Variants in DCDC1 observed in about 807,000 individuals in gnomAD.
DCDC1 encodes the protein doublecortin domain containing 1.
Under a neutral mutation model 178.3 loss-of-function variants are expected in DCDC1, and 200 were observed. The ratio of observed to expected loss-of-function variants is 1.12; its 90% CI spans 1.00 to 1.26. The LOEUF (loss-of-function observed/expected upper bound fraction) is 1.26. Among genes scored for constraint, DCDC1 ranks in the 50% most tolerant of loss-of-function variants. The probability of loss-of-function intolerance (pLI) is 0.00; values close to 1 mark genes in which losing one functional copy is unlikely to be tolerated. For synonymous variants in DCDC1, 690 were observed against 604.8 expected (o/e 1.14, Z -2.07); for missense variants, 1,983 against 1,749.2 (o/e 1.13, Z -2.38).
At chr11:31,292,523 C>T (rs1947306607) in intron 6 of DCDC1, among the ~76,000 whole-genome samples, 1 of 152,068 alleles carries the variant, frequency 6.6e-6, no homozygotes, top group Non-Finnish European at 1.5e-5. Flanking sequence ...AAAAAGGTGA[C>T]ATATTGTATG....
chr11:30,890,076 G>A (rs2134036396), intron 36 of DCDC1, among the ~76,000 whole-genome samples: 1 of 152,252 alleles, frequency 6.6e-6, no homozygotes, highest in African/African-American at 2.4e-5. Flanking sequence ...CAAGAAGGTG[G>A]CTGTCTGTAA....
intron 1 of DCDC1, among the ~76,000 whole-genome samples, chr11:31,352,482 G>A (rs76646303): frequency 7.5e-4 from 114 of 152,262 alleles, no homozygotes; most frequent in African/African-American, 2.7e-3. Flanking sequence ...ACTTAGCAAC[G>A]TAAGAGCTTT....
At chr11:31,278,909 T>C (rs572315685) in intron 7 of DCDC1, among the ~76,000 whole-genome samples, 2 of 152,312 alleles carry the variant, frequency 1.3e-5, no homozygotes, top group East Asian at 3.9e-4. Flanking sequence ...TAAAACTGAT[T>C]TGGCTATCTA....
chr11:31,209,452 GAAGATGATAGAAAGCC>G (rs1972245247), intron 9 of DCDC1, among the ~76,000 whole-genome samples: 1 of 152,228 alleles, frequency 6.6e-6, no homozygotes, highest in Non-Finnish European at 1.5e-5. Context: ...CAGAGTGGTT[GAAGATGATAGAAAGCC>G]AGTGATTTGA....
chr11:30,987,037 G>A (rs1442481060), intron 20 of DCDC1, among the ~76,000 whole-genome samples: 1 of 152,114 alleles, frequency 6.6e-6, no homozygotes, highest in African/African-American at 2.4e-5. Flanking sequence ...GTTTGTTTGA[G>A]ATGGAATCTC....
intron 9 of DCDC1, among the ~76,000 whole-genome samples, chr11:31,155,750 C>T (rs1311657841): frequency 6.6e-6 from 1 of 152,166 alleles, no homozygotes; most frequent in Non-Finnish European, 1.5e-5. Flanking sequence ...TCCCATGAGG[C>T]AGCAAGTTAT....
intron 20 of DCDC1, among the ~76,000 whole-genome samples, chr11:30,975,942 C>T (rs1382510886): frequency 6.6e-6 from 1 of 152,016 alleles, no homozygotes; most frequent in Non-Finnish European, 1.5e-5. Flanking sequence ...AGGCATCATG[C>T]TACCTGACTT....
At chr11:31,172,143 T>A (rs930328043) in intron 9 of DCDC1, among the ~76,000 whole-genome samples, 1 of 152,132 alleles carries the variant, frequency 6.6e-6, no homozygotes, top group Non-Finnish European at 1.5e-5. Flanking sequence ...TAATTATCAA[T>A]CTGTATTATG....
chr11:31,009,354 T>C (rs1457449610), intron 20 of DCDC1, among the ~76,000 whole-genome samples: 3 of 152,196 alleles, frequency 2.0e-5, no homozygotes, highest in African/African-American at 7.2e-5. Flanking sequence ...CTCAAAGATA[T>C]ATTAGTTTTC....
At chr11:31,258,147 A>G (rs1224480309) in intron 8 of DCDC1, among the ~76,000 whole-genome samples, 1 of 152,232 alleles carries the variant, frequency 6.6e-6, no homozygotes, top group Non-Finnish European at 1.5e-5. Context: ...TTAAGGAAAG[A>G]CAAAGACAAG....
chr11:31,065,202 G>A (rs370283231), intron 18 of DCDC1, 49 bp from the exon 19 acceptor site: 3 of 633,156 alleles, frequency 4.7e-6, no homozygotes, highest in African/African-American at 3.6e-5. Context: ...ATAAACAATA[G>A]CCAAAAATCC....
At position 30,911,404 on chromosome 11, in the gene DCDC1, T is replaced by G; in HGVS notation, c.3670A>C (p.Ser1224Arg). 1.9e-6 allele frequency: 3 copies of G among 1,600,294 alleles called. No individual in the cohort carries two copies. The South Asian group carries it at 3.4e-5, about 18-fold the overall frequency. The stretch of plus-strand genomic sequence containing the variant: ...ACTGCCAGCACAAGGTCAGGGTTAC[T>G]CACAAGGTGAAAGGTCCTTGGGAAA... ...QEDSRTFHLVSNPDLVLAVSM... is the reference protein window; with the variant it reads ...QEDSRTFHLVRNPDLVLAVSM... Residue 1224 changes from serine (S) to arginine (R), a missense_variant, in exon 28 of 39, where the codon AGT becomes CGT. Physicochemically the swap from Ser to Arg is moderately radical, Grantham distance 110. Coordinates refer to ENST00000684477, the MANE Select transcript of DCDC1 (RefSeq NM_001387274.1).
intron 1 of DCDC1, among the ~76,000 whole-genome samples, chr11:31,358,769 G>C (rs1048199195): frequency 2.0e-5 from 3 of 152,124 alleles, no homozygotes; most frequent in African/African-American, 7.2e-5. Flanking sequence ...CAAAAAGTGG[G>C]CAAAGGATAT....
chr11:31,333,635 TG>T (rs1339887851), intron 2 of DCDC1, among the ~76,000 whole-genome samples: 1 of 152,222 alleles, frequency 6.6e-6, no homozygotes, highest in Non-Finnish European at 1.5e-5. Flanking sequence ...CCTTCATTTA[TG>T]AAGCTTAGTT....
chr11:31,129,516 C>T lies in DCDC1; in HGVS notation c.1315-1877G>A, dbSNP rs1257539560. ...ATTGTATTTGGAAAGCAGACACAGACGATATGTAAATGAATGGGCATGGCT... is the reference window on the plus strand; with the variant it reads ...ATTGTATTTGGAAAGCAGACACAGATGATATGTAAATGAATGGGCATGGCT... On this transcript the variant is annotated intron_variant, in intron 10 of 38. Transcript: ENST00000684477. Among the ~76,000 whole-genome samples the T allele has an allele frequency of 4.0e-5, 6 of 151,776 alleles. No individual in the cohort carries two copies. In the East Asian group the frequency reaches 9.7e-4, roughly 24 times the overall value.
At chr11:31,048,760 G>A (rs1228444099) in intron 20 of DCDC1, among the ~76,000 whole-genome samples, 1 of 152,206 alleles carries the variant, frequency 6.6e-6, no homozygotes, top group Non-Finnish European at 1.5e-5. Context: ...GGGAGGCTGA[G>A]GCAGGAGAAC....
chr11:31,304,071 T>C (rs1446790834), intron 6 of DCDC1, among the ~76,000 whole-genome samples: 1 of 152,152 alleles, frequency 6.6e-6, no homozygotes, highest in Admixed American at 6.6e-5. Flanking sequence ...TGTTCTGGAC[T>C]TGGCTTTTGA....
chr11:31,122,574 C>A (rs1305485563), intron 11 of DCDC1, among the ~76,000 whole-genome samples: 1 of 152,022 alleles, frequency 6.6e-6, no homozygotes, highest in Admixed American at 6.6e-5. Flanking sequence ...ATTGTAAATT[C>A]TACATAGCCA....
chr11:31,220,400 T>A lies in DCDC1; in HGVS notation c.1221+21050A>T, dbSNP rs554691994. Reference sequence around the variant, plus strand: ...CTTTTTGAATTTCCAAAAATTTAAATTCACACTGCAAAGATGTAAACATCA... The same window carrying A: ...CTTTTTGAATTTCCAAAAATTTAAAATCACACTGCAAAGATGTAAACATCA... On this transcript the variant is annotated intron_variant, in intron 9 of 38. Coordinates refer to ENST00000684477, the MANE Select transcript of DCDC1 (RefSeq NM_001387274.1). Among the ~76,000 whole-genome samples, 12 of 152,314 alleles carry A rather than the reference T, an allele frequency of 7.9e-5. No individual in the cohort carries two copies. The South Asian group carries it at 2.5e-3, about 32-fold the overall frequency.
Sources: allele counts gnomAD v4.1 joint callset (sites outside exome capture counted in the v4.1 genomes callset), GRCh38; gene constraint gnomAD v4.1.1; transcripts MANE v1.5; gene names NCBI Gene and HGNC (gene_info 2026-07-23, HGNC 2026-07-21).